PLK4: variants seen among roughly 807,000 people sequenced by gnomAD.
The protein encoded by PLK4 is polo like kinase 4, also known as serine/threonine-protein kinase PLK4.
Under a neutral mutation model 103.0 loss-of-function variants are expected in PLK4, and 51 were observed. That is an observed-to-expected ratio of 0.50 (90% confidence interval 0.40 to 0.63). The LOEUF is 0.63. Ranked by LOEUF, PLK4 falls within the 20% of genes least tolerant of loss-of-function variation. The pLI is 0.00. For synonymous variants in PLK4, 389 were observed against 376.8 expected (o/e 1.03, Z -0.38); for missense variants, 1,054 against 1,151.0 (o/e 0.92, Z 1.22).
chr4:127,884,404 G>A (rs1233275612), intron 4 of PLK4, among the ~76,000 whole-genome samples: 1 of 152,182 alleles, frequency 6.6e-6, no homozygotes, highest in African/African-American at 2.4e-5. Context: ...CTTTGACTCA[G>A]ATTCCATTGT....
rs368452170 is a variant in PLK4, at chr4:127,898,715, C to T, written c.*174C>T. On this transcript the variant is annotated 3_prime_UTR_variant, in exon 16 of 16. Transcript: ENST00000270861. ...GAACAAAGCAGAATGAAACTTGAGT[C>T]ACTTACTAAATATAGTGGATATAAA... 3.1e-3 allele frequency: 1,583 copies of T among 514,728 alleles called. 54 individuals are homozygous for T. In the South Asian group the frequency reaches 0.047, roughly 15 times the overall value. 31.9% of individuals were successfully genotyped at this position (514,728 alleles called of 1,614,324 possible).
Position 127,886,629 on chromosome 4 carries a change from A to G in PLK4, c.1259A>G (p.Tyr420Cys), listed in dbSNP as rs775972407. 2 of 1,613,002 alleles carry G rather than the reference A, an allele frequency of 1.2e-6. No individual in the cohort carries two copies. The highest frequency in any genetic ancestry group is 1.7e-6 in the Non-Finnish European group (2 of 1,178,960). The change falls in exon 5 of 16, where the codon TAC becomes TGC. Residue 420 changes from tyrosine to cysteine, a missense_variant. Tyr to Cys is a radical substitution (Grantham distance 194). Coordinates refer to ENST00000270861, the MANE Select transcript of PLK4 (RefSeq NM_014264.5). ...GGAGGAGGTGAAAATGAAGAGAGGT[A>G]CTCACCCACAGACAACAATGCCAAC... ...RSGGGENEER[Y>C]SPTDNNANIF...
chr4:127,884,864 C>T (rs1373780831), intron 4 of PLK4, among the ~76,000 whole-genome samples: 6 of 151,850 alleles, frequency 4.0e-5, no homozygotes, highest in Non-Finnish European at 4.4e-5. Flanking sequence ...TGCTTGAACC[C>T]GGGAGGCAGA....
In PLK4 at chr4:127,881,259, C is replaced by T. The variant is rs1457761335; in HGVS notation, c.30+95C>T. The T allele has an allele frequency of 3.1e-6, 5 of 1,592,878 alleles. No individual in the cohort carries two copies. In the African/African-American group the frequency reaches 5.4e-5, roughly 17 times the overall value. ...GAAGGGGAGCGAACGAAGCTAACGG[C>T]TGCGGGGCGGGCACCGAGGTGCTTA... is the stretch of plus-strand genomic sequence containing the variant. On this transcript the variant is annotated intron_variant, in intron 1 of 15. Transcript: ENST00000270861.
At position 127,886,024 on chromosome 4, in the gene PLK4, C is replaced by T. The variant is rs1425085470; in HGVS notation, c.654C>T (p.Asn218=). Residue 218 remains asparagine, a synonymous_variant, in exon 5 of 16, where the codon AAC becomes AAT. Transcript: ENST00000270861. The part of the protein sequence containing the change: ...RPPFDTDTVK[N]TLNKVVLADY... Reference sequence around the variant, plus strand: ...CCTTCGACACTGACACAGTCAAGAACACATTAAATAAAGTAGTATTGGCAG... The same window carrying T: ...CCTTCGACACTGACACAGTCAAGAATACATTAAATAAAGTAGTATTGGCAG... The T allele has an allele frequency of 4.3e-6, 7 of 1,613,880 alleles. No individual in the cohort carries two copies. The Admixed American group carries it at 8.3e-5, about 19-fold the overall frequency.
chr4:127,893,077 CAGGCTT>C, intron 10 of PLK4: 1 of 380,412 alleles, frequency 2.6e-6, no homozygotes. Context: ...GTAAAAGTAT[CAGGCTT>C]AAACCAGATA....
rs1454292266 is a variant in PLK4, at chr4:127,892,471, G to C, written c.2145G>C (p.Met715Ile). ...CAAGATATGCTAAATGCATTTTGAT[G>C]GAGAATTCTCCTGGTGCTGATTTTG... ...YFTRYAKCILMENSPGADFEV... is the reference protein window; with the variant it reads ...YFTRYAKCILIENSPGADFEV... The change falls in exon 10 of 16, where the codon ATG (methionine) becomes ATC (isoleucine). Residue 715 changes from methionine (M) to isoleucine (I), a missense_variant. Transcript: ENST00000270861. The C allele has an allele frequency of 6.2e-7, 1 of 1,600,352 alleles. No homozygotes were observed. Among genetic ancestry groups the C allele is most frequent in the Admixed American group, 1.7e-5 (1 of 57,792 alleles).
At chr4:127,882,608 A>G (rs1336685302) in intron 2 of PLK4, among the ~76,000 whole-genome samples, 1 of 151,994 alleles carries the variant, frequency 6.6e-6, no homozygotes, top group Non-Finnish European at 1.5e-5. Flanking sequence ...AAAAATACCA[A>G]ATTAGCCGGG....
intron 14 of PLK4, among the ~76,000 whole-genome samples, chr4:127,896,240 G>A (rs1735561264): frequency 6.6e-6 from 1 of 152,264 alleles, no homozygotes; most frequent in Middle Eastern, 3.4e-3. Context: ...TCTTAAGTTG[G>A]CAGAGTCTAG....
chr4:127,886,213 CTCAAT>C lies in PLK4; in HGVS notation c.845_849del (p.Ser282Ter). On this transcript the variant is annotated frameshift_variant, in exon 5 of 16. Coordinates refer to ENST00000270861, the MANE Select transcript of PLK4 (RefSeq NM_014264.5). LOFTEE classifies it high-confidence loss of function. ...GTAAAGATTTAGGAACTGTGGAAGA[CTCAAT>C]TGATAGTGGGCATGCCACAATTTCT... The C allele has an allele frequency of 6.2e-7, 1 of 1,614,108 alleles. No homozygotes were observed. The highest frequency in any genetic ancestry group is 8.5e-7 in the Non-Finnish European group (1 of 1,179,988).
rs756460506 is a variant in PLK4 at position 127,881,884 on chromosome 4, A to T, written c.84A>T (p.Arg28Ser). The T allele has an allele frequency of 3.7e-6, 6 of 1,609,762 alleles. No individual in the cohort carries two copies. Among genetic ancestry groups the T allele is most frequent in the Non-Finnish European group, 5.1e-6 (6 of 1,176,040 alleles). ...AAGGATCATTTGCTGGTGTCTACAG[A>T]GCTGAGTCCATTCACACTGGTTTGG... ...LGKGSFAGVY[R>S]AESIHTGLEV... is the part of the protein sequence containing the mutation. The change falls in exon 2 of 16, where the codon AGA (arginine) becomes AGT (serine). Residue 28 changes from arginine to serine, a missense_variant. Physicochemically the swap from Arg to Ser is moderately radical, Grantham distance 110 (BLOSUM62 -1). Coordinates refer to ENST00000270861, the MANE Select transcript of PLK4 (RefSeq NM_014264.5).
intron 15 of PLK4, among the ~76,000 whole-genome samples, chr4:127,897,305 A>G (rs1245863457): frequency 6.6e-6 from 1 of 152,242 alleles, no homozygotes; most frequent in Non-Finnish European, 1.5e-5. Flanking sequence ...GAAAGGCTAT[A>G]TCCCCAATCT....
At chr4:127,892,044 C>G in intron 9 of PLK4, 1 of 227,044 alleles carries the variant, frequency 4.4e-6, no homozygotes, top group Non-Finnish European at 8.5e-6. Context: ...AGAACATGGC[C>G]CCTGTGACTC....
At position 127,890,219 on chromosome 4, in the gene PLK4, A is replaced by G; in HGVS notation, c.1813A>G (p.Lys605Glu). The G allele has an allele frequency of 6.3e-7, 1 of 1,599,668 alleles. No individual in the cohort carries two copies. The change falls in exon 7 of 16, where the codon AAA becomes GAA. Residue 605 changes from lysine to glutamate, a missense_variant. Physicochemically the swap from Lys to Glu is moderately conservative, Grantham distance 56. Transcript: ENST00000270861. ...VAHRLKPIRQ[K>E]TKKAVVSILD... Reference sequence around the variant, plus strand: ...TCACAGGTTAAAACCAATCAGACAGAAAACCAAAAAGGCTGTGGTATGTCT... The same window carrying G: ...TCACAGGTTAAAACCAATCAGACAGGAAACCAAAAAGGCTGTGGTATGTCT...
intron 15 of PLK4, among the ~76,000 whole-genome samples, chr4:127,898,086 T>C (rs1180693795): frequency 6.6e-6 from 1 of 152,024 alleles, no homozygotes; most frequent in Non-Finnish European, 1.5e-5. Context: ...TCCACCCCCC[T>C]TGGCCTCCCA....
At chr4:127,896,998 TC>T in intron 15 of PLK4, 91 bp downstream of exon 15, 1 of 672,312 alleles carries the variant, frequency 1.5e-6, no homozygotes, top group Non-Finnish European at 2.7e-6. Context: ...TAAAGATACT[TC>T]TTTCATTTTG....
rs765517789 is a variant in PLK4 at position 127,881,181 on chromosome 4, G to C, written c.30+17G>C. ...AAGATCGAGGTGAAAAGACTCGGCAGTCTGCAGCGGGGCGGGTGGGAGTAA... is the reference window on the plus strand; with the variant it reads ...AAGATCGAGGTGAAAAGACTCGGCACTCTGCAGCGGGGCGGGTGGGAGTAA... On this transcript the variant is annotated intron_variant, in intron 1 of 15. Coordinates refer to ENST00000270861, the MANE Select transcript of PLK4 (RefSeq NM_014264.5). 3.1e-6 allele frequency: 5 copies of C among 1,613,972 alleles called. No homozygotes were observed. The highest frequency in any genetic ancestry group is 3.3e-4 in the Middle Eastern group (2 of 6,060).
At chr4:127,883,212 A>T in intron 2 of PLK4, 50 bp from the exon 3 acceptor site, 1 of 921,704 alleles carries the variant, frequency 1.1e-6, no homozygotes, top group Non-Finnish European at 1.7e-6. Context: ...GTTCACTTTT[A>T]AGCAGTTTAT....
chr4:127,881,399 C>G (rs1578748508), intron 1 of PLK4: 4 of 1,417,088 alleles, frequency 2.8e-6, no homozygotes, highest in African/African-American at 1.4e-5. Context: ...GGCAGTGTCC[C>G]GAGGCACTGC....
Sources: allele counts gnomAD v4.1 joint callset (sites outside exome capture counted in the v4.1 genomes callset), GRCh38; gene constraint gnomAD v4.1.1; transcripts MANE v1.5; gene names NCBI Gene and HGNC (gene_info 2026-07-23, HGNC 2026-07-21).